Variants in SYT1 observed in about 807,000 individuals in gnomAD.
SYT1 encodes synaptotagmin 1.
SYT1 carries 8 observed loss-of-function variants against 44.8 expected under a neutral mutation model. The observed-to-expected ratio is 0.18, with a 90% CI of 0.10 to 0.32. SYT1 has a LOEUF of 0.32. SYT1 is among the 10% of genes least tolerant of loss of function. The pLI, the probability that SYT1 is intolerant of heterozygous loss-of-function variation, is 1.00. For missense variants in SYT1, 286 were observed against 509.3 expected, an observed-to-expected ratio of 0.56 and a Z score of 4.22; for synonymous variants, 154 against 188.8, an observed-to-expected ratio of 0.82 and a Z score of 1.51.
At chr12:78,988,844 T>C (rs550899554) in intron 2 of SYT1, among the ~76,000 whole-genome samples, 4 of 152,264 alleles carry the variant, frequency 2.6e-5, no homozygotes, top group African/African-American at 4.8e-5. Context: ...AGTTTCTGTA[T>C]AGAAGACAAT....
intron 1 of SYT1, among the ~76,000 whole-genome samples, chr12:78,949,673 G>A (rs1304324738): frequency 1.3e-5 from 2 of 151,954 alleles, no homozygotes; most frequent in Admixed American, 6.6e-5. Context: ...ATTCAAAGGA[G>A]GCAAGTAACA....
chr12:78,948,042 T>C (rs957031289), intron 1 of SYT1, among the ~76,000 whole-genome samples: 1 of 151,834 alleles, frequency 6.6e-6, no homozygotes. Flanking sequence ...AACTTAATAA[T>C]AGTTATGGAA....
intron 8 of SYT1, among the ~76,000 whole-genome samples, chr12:79,352,946 C>G (rs143693802): frequency 6.6e-6 from 1 of 152,114 alleles, no homozygotes; most frequent in Non-Finnish European, 1.5e-5. Flanking sequence ...ACTAAAAGTG[C>G]GAAACCTTAT....
intron 1 of SYT1, among the ~76,000 whole-genome samples, chr12:78,873,503 T>C (rs1873923920): frequency 6.6e-6 from 1 of 151,678 alleles, no homozygotes; most frequent in Non-Finnish European, 1.5e-5. Flanking sequence ...CTAGGCTAAG[T>C]TGGCCTTTAG....
intron 4 of SYT1, among the ~76,000 whole-genome samples, chr12:79,281,461 T>G (rs1879050165): frequency 6.6e-6 from 1 of 152,170 alleles, no homozygotes; most frequent in African/African-American, 2.4e-5. Flanking sequence ...ATATTCTCAC[T>G]TATAAGTGAA....
At chr12:79,442,747 A>T (rs1870498686) in intron 9 of SYT1, among the ~76,000 whole-genome samples, 1 of 152,106 alleles carries the variant, frequency 6.6e-6, no homozygotes, top group African/African-American at 2.4e-5. Flanking sequence ...CCCTTTTTTC[A>T]TCTGCAGTTT....
chr12:78,877,687 G>A (rs1281398450), intron 1 of SYT1, among the ~76,000 whole-genome samples: 1 of 148,708 alleles, frequency 6.7e-6, no homozygotes, highest in East Asian at 2.0e-4. Flanking sequence ...TTTCCTTTTT[G>A]AGACAGATTC....
chr12:78,969,190 C>T (rs2137379559), intron 1 of SYT1, among the ~76,000 whole-genome samples: 1 of 152,214 alleles, frequency 6.6e-6, no homozygotes, highest in African/African-American at 2.4e-5. Flanking sequence ...ATAAAGTATA[C>T]TGGAAGATGT....
At chr12:79,125,515 G>A (rs1393234572) in intron 3 of SYT1, among the ~76,000 whole-genome samples, 1 of 150,260 alleles carries the variant, frequency 6.7e-6, no homozygotes, top group Non-Finnish European at 1.5e-5. Flanking sequence ...CACATGGGAG[G>A]TGGCTGAGGT....
At chr12:79,284,634 G>A (rs1340287178) in intron 4 of SYT1, among the ~76,000 whole-genome samples, 1 of 151,870 alleles carries the variant, frequency 6.6e-6, no homozygotes, top group African/African-American at 2.4e-5. Context: ...TCAGGAGATC[G>A]AGACCATCCT....
chr12:79,157,153 G>T (rs1037339415), intron 3 of SYT1, among the ~76,000 whole-genome samples: 5 of 152,134 alleles, frequency 3.3e-5, no homozygotes, highest in Non-Finnish European at 7.4e-5. Context: ...GCTGCAGTTA[G>T]TACCCTCTCC....
chr12:79,245,525 T>C (rs1051995619), intron 4 of SYT1, among the ~76,000 whole-genome samples: 16 of 147,224 alleles, frequency 1.1e-4, no homozygotes, highest in Middle Eastern at 3.4e-3. Flanking sequence ...TCATTATGTA[T>C]GTATTCGTGC....
chr12:79,117,557 G>T (rs1879341267), intron 3 of SYT1, among the ~76,000 whole-genome samples: 1 of 149,994 alleles, frequency 6.7e-6, no homozygotes. Flanking sequence ...AGGCCTGATA[G>T]ACCCCAGCTT....
At chr12:79,270,065 G>T (rs189881672) in intron 4 of SYT1, among the ~76,000 whole-genome samples, 1 of 152,152 alleles carries the variant, frequency 6.6e-6, no homozygotes, top group Non-Finnish European at 1.5e-5. Context: ...GAAAAAGCTT[G>T]TTTTTATTTT....
intron 9 of SYT1, among the ~76,000 whole-genome samples, chr12:79,356,107 G>C (rs538571089): frequency 6.6e-6 from 1 of 151,494 alleles, no homozygotes; most frequent in South Asian, 2.1e-4. Flanking sequence ...ATTGAGCCAC[G>C]GCGCGTCTGG....
chr12:79,061,163 G>A (rs148045624), intron 3 of SYT1, among the ~76,000 whole-genome samples: 141 of 152,102 alleles, frequency 9.3e-4, no homozygotes, highest in African/African-American at 3.0e-3. Context: ...TCTAATCAGC[G>A]TATTATGGAA....
chr12:79,305,574 A>G lies in SYT1; in HGVS notation c.810+6023A>G, dbSNP rs186768402. Among the ~76,000 whole-genome samples the G allele has an allele frequency of 1.5e-3, 228 of 152,320 alleles. 2 individuals are homozygous for G. Among genetic ancestry groups the G allele is most frequent in the Admixed American group, 0.014 (221 of 15,296 alleles). The stretch of plus-strand genomic sequence containing the variant: ...TCTCATAACATTCTTCAAAATTGGC[A>G]TTACCAAATCTGTTTTACAAAACAG... On this transcript the variant is annotated intron_variant, in intron 8 of 10. Transcript: ENST00000261205.
At chr12:79,360,675 A>G (rs1883284479) in intron 9 of SYT1, among the ~76,000 whole-genome samples, 1 of 152,226 alleles carries the variant, frequency 6.6e-6, no homozygotes, top group South Asian at 2.1e-4. Context: ...ATGCATAATA[A>G]TTTGGCTGTG....
chr12:79,263,688 G>C (rs997574501), intron 4 of SYT1, among the ~76,000 whole-genome samples: 22 of 152,046 alleles, frequency 1.4e-4, no homozygotes, highest in African/African-American at 5.3e-4. Context: ...ACTGAATGAA[G>C]ACAAAAAACA....
Sources: gnomAD v4.1 joint callset for allele counts (sites outside exome capture counted in the v4.1 genomes callset) on GRCh38, gnomAD v4.1.1 for gene constraint, MANE v1.5 for transcripts, NCBI Gene and HGNC (gene_info 2026-07-23, HGNC 2026-07-21) for gene names.